MICU2: variants seen among roughly 807,000 people sequenced by gnomAD.
MICU2 encodes mitochondrial calcium uptake 2.
Under a neutral mutation model 60.4 loss-of-function variants are expected in MICU2, and 64 were observed. The ratio of observed to expected loss-of-function variants is 1.06; its 90% CI spans 0.87 to 1.31. The LOEUF is 1.31. MICU2 is among the 50% of genes most tolerant of loss of function. The pLI is 0.00. For missense variants in MICU2, 569 were observed against 531.0 expected, an observed-to-expected ratio of 1.07 and a Z score of -0.70; for synonymous variants, 201 against 175.0, an observed-to-expected ratio of 1.15 and a Z score of -1.17.
rs2138165275 is a variant in MICU2 at position 21,521,238 on chromosome 13, C to T, written c.597+7G>A. The T allele has an allele frequency of 6.3e-7, 1 of 1,586,170 alleles. No individual in the cohort carries two copies. The highest frequency in any genetic ancestry group is 8.6e-7 in the Non-Finnish European group (1 of 1,165,790). ...TGATAAACCTAAAATAATTAGCGTCCACTTACCTTAAAAAATTCCCTTTTT... is the reference window on the plus strand; with the variant it reads ...TGATAAACCTAAAATAATTAGCGTCTACTTACCTTAAAAAATTCCCTTTTT... On this transcript the variant is annotated splice_region_variant and intron_variant, in intron 6 of 11. Coordinates refer to ENST00000382374, the MANE Select transcript of MICU2 (RefSeq NM_152726.3).
chr13:21,529,928 A>G (rs761013020), intron 4 of MICU2, among the ~76,000 whole-genome samples: 2 of 152,178 alleles, frequency 1.3e-5, no homozygotes, highest in Non-Finnish European at 2.9e-5. Context: ...TGAGACCCCA[A>G]TCAGCGTGGG....
chr13:21,579,592 T>A (rs1888303584), intron 1 of MICU2, among the ~76,000 whole-genome samples: 1 of 152,196 alleles, frequency 6.6e-6, no homozygotes, highest in Non-Finnish European at 1.5e-5. Flanking sequence ...TCCACCCACC[T>A]CAGCCTCCCA....
intron 6 of MICU2, among the ~76,000 whole-genome samples, chr13:21,518,814 A>T (rs185849317): frequency 2.6e-5 from 4 of 152,334 alleles, no homozygotes; most frequent in Admixed American, 6.5e-5. Flanking sequence ...CACTTGTGCA[A>T]ACACATTTCC....
At position 21,534,744 on chromosome 13, in the gene MICU2, A is replaced by G. The variant is rs534162041; in HGVS notation, c.466+4558T>C. On this transcript the variant is annotated intron_variant, in intron 4 of 11. Coordinates refer to ENST00000382374, the MANE Select transcript of MICU2 (RefSeq NM_152726.3). ...AATGTTTTTAGGCAACATACCAAGC[A>G]ACTGGGGATATAAAAATAACCACAT... Among the ~76,000 whole-genome samples, 5 of 152,362 alleles carry G rather than the reference A, an allele frequency of 3.3e-5. No homozygotes were observed. The South Asian group carries it at 1.0e-3, about 32-fold the overall frequency.
At chr13:21,533,108 G>A (rs1887043016) in intron 4 of MICU2, among the ~76,000 whole-genome samples, 1 of 152,084 alleles carries the variant, frequency 6.6e-6, no homozygotes, top group Admixed American at 6.6e-5. Flanking sequence ...CAGACAAGAT[G>A]GATGCAGCTG....
In MICU2 at chr13:21,569,789, T is replaced by C. The variant is rs1286019708; in HGVS notation, c.211-2845A>G. 5.3e-5 allele frequency among the ~76,000 whole-genome samples: 8 copies of C among 150,730 alleles called. No homozygotes were observed. In the East Asian group the frequency reaches 1.2e-3, roughly 22 times the overall value. ...TCAGTCTCCACAATGCCCTTAATAG[T>C]AGACACCATTTTTGTCATCTTCGTT... On this transcript the variant is annotated intron_variant, in intron 1 of 11. Transcript: ENST00000382374.
chr13:21,499,658 C>A (rs1848760579), intron 9 of MICU2, among the ~76,000 whole-genome samples: 3 of 152,114 alleles, frequency 2.0e-5, no homozygotes, highest in African/African-American at 7.2e-5. Flanking sequence ...GATCTGCCCG[C>A]CTCGGCCTCC....
chr13:21,507,742 TAC>T (rs1463933143), intron 8 of MICU2, among the ~76,000 whole-genome samples: 3 of 151,828 alleles, frequency 2.0e-5, no homozygotes, highest in Non-Finnish European at 2.9e-5. Context: ...TAGCTGGGAT[TAC>T]AGATGCCTGC....
chr13:21,574,666 C>T, intron 1 of MICU2, among the ~76,000 whole-genome samples: 1 of 152,182 alleles, frequency 6.6e-6, no homozygotes, highest in East Asian at 1.9e-4. Context: ...TTCCCTATAG[C>T]TTTCAATATA....
At chr13:21,600,825 C>T (rs966982050) in intron 1 of MICU2, among the ~76,000 whole-genome samples, 6 of 144,830 alleles carry the variant, frequency 4.1e-5, no homozygotes, top group African/African-American at 1.5e-4. Flanking sequence ...GAGACGGAGT[C>T]TTGCTCTGTC....
chr13:21,562,819 A>G (rs536461447), intron 2 of MICU2, among the ~76,000 whole-genome samples: 1 of 152,154 alleles, frequency 6.6e-6, no homozygotes, highest in Non-Finnish European at 1.5e-5. Flanking sequence ...ATATTCATGT[A>G]TTCCTTTTCT....
chr13:21,521,221 C>T, intron 6 of MICU2, 24 bp downstream of exon 6: 1 of 1,517,310 alleles, frequency 6.6e-7, no homozygotes, highest in South Asian at 1.2e-5. Flanking sequence ...TATGATAAAC[C>T]TAAAATAATT....
intron 8 of MICU2, among the ~76,000 whole-genome samples, chr13:21,508,413 C>G (rs1886347170): frequency 6.6e-6 from 1 of 152,194 alleles, no homozygotes; most frequent in Admixed American, 6.5e-5. Flanking sequence ...CGTGAGCCAC[C>G]ACACCCGGCC....
chr13:21,600,822 A>G (rs1457454364), intron 1 of MICU2, among the ~76,000 whole-genome samples: 2 of 139,104 alleles, frequency 1.4e-5, no homozygotes, highest in Admixed American at 7.5e-5. Flanking sequence ...TTTGAGACGG[A>G]GTCTTGCTCT....
chr13:21,589,582 T>C (rs1465015685), intron 1 of MICU2, among the ~76,000 whole-genome samples: 1 of 152,244 alleles, frequency 6.6e-6, no homozygotes, highest in Non-Finnish European at 1.5e-5. Flanking sequence ...CTTTGCCTTC[T>C]ACTTTTAAAC....
intron 2 of MICU2, among the ~76,000 whole-genome samples, chr13:21,543,546 G>A (rs1454111406): frequency 1.3e-5 from 2 of 152,094 alleles, no homozygotes; most frequent in Non-Finnish European, 2.9e-5. Flanking sequence ...AAATCAAGAA[G>A]CAATCCATTT....
intron 4 of MICU2, among the ~76,000 whole-genome samples, chr13:21,530,469 A>AG (rs1286836011): frequency 0.014 from 1 of 72 alleles, no homozygotes; most frequent in Non-Finnish European, 0.062. Context: ...ATTCTCCTTC[A>AG]AAAAAAAAAA....
intron 2 of MICU2, among the ~76,000 whole-genome samples, chr13:21,550,455 T>C (rs1041956621): frequency 6.6e-6 from 1 of 152,166 alleles, no homozygotes; most frequent in South Asian, 2.1e-4. Context: ...GGGGGATTGC[T>C]GGAACCCAGG....
chr13:21,602,239 T>C (rs1593364492), intron 1 of MICU2, among the ~76,000 whole-genome samples: 1 of 151,444 alleles, frequency 6.6e-6, no homozygotes, highest in East Asian at 2.0e-4. Context: ...ACAGGATGAA[T>C]CGGCCGGGCG....
Sources: gnomAD v4.1 joint callset for allele counts (sites outside exome capture counted in the v4.1 genomes callset) on GRCh38, gnomAD v4.1.1 for gene constraint, MANE v1.5 for transcripts, NCBI Gene and HGNC (gene_info 2026-07-23, HGNC 2026-07-21) for gene names.